Variants in USP44 observed in about 807,000 individuals in gnomAD.
The protein encoded by USP44 is ubiquitin carboxyl-terminal hydrolase 44.
Under a neutral mutation model 69.0 loss-of-function variants are expected in USP44, and 61 were observed. The observed-to-expected ratio is 0.88, with a 90% CI of 0.72 to 1.09. USP44 has a LOEUF of 1.09. Ranked by LOEUF, USP44 falls within the 50% of genes least tolerant of loss-of-function variation. USP44 has a pLI of 0.00. For synonymous variants in USP44, 297 were observed against 295.4 expected (o/e 1.01, Z -0.06); for missense variants, 753 against 849.9 (o/e 0.89, Z 1.42).
In USP44 at chr12:95,534,165, T is replaced by A. The variant is rs992449182; in HGVS notation, c.92A>T (p.Asp31Val). 6.2e-7 allele frequency: 1 copy of A among 1,614,052 alleles called. No homozygotes were observed. The highest frequency in any genetic ancestry group is 1.3e-5 in the African/African-American group (1 of 74,912). Residue 31 changes from aspartate (D) to valine (V), a missense_variant, in exon 2 of 6, where the codon GAC becomes GTC. Transcript: ENST00000258499. The stretch of plus-strand genomic sequence containing the variant: ...CCAAATGGACTCGGTCGTGTTGCAG[T>A]CCACACAGTGCCATTTCTGAGGGTT... ...SLNPQKWHCV[D>V]CNTTESIWAC...
chr12:95,544,033 G>A (rs569761598), intron 1 of USP44, among the ~76,000 whole-genome samples: 250 of 137,084 alleles, frequency 1.8e-3, no homozygotes, highest in Non-Finnish European at 2.9e-3. Context: ...ACATTCCACT[G>A]TAAATTTTAG....
At position 95,517,213 on chromosome 12, in the gene USP44, A is replaced by C. The variant is rs575808033; in HGVS notation, c.*941T>G. 1.2e-4 allele frequency: 19 copies of C among 152,148 alleles called. No homozygotes were observed. The highest frequency in any genetic ancestry group is 4.3e-4 in the African/African-American group (18 of 41,518). The allele number at this position is 152,148 out of a possible 1,614,324, so 9.4% of individuals were successfully genotyped here. On this transcript the variant is annotated 3_prime_UTR_variant, in exon 6 of 6. Transcript: ENST00000258499. The stretch of plus-strand genomic sequence containing the variant: ...AGTTATTTAGAATGAGATGCTAGAC[A>C]TAATAATAGTCCAGTTGCCAATTTT...
At chr12:95,521,266 A>G in intron 4 of USP44, 64 bp from the exon 5 acceptor site, 3 of 1,469,258 alleles carry the variant, frequency 2.0e-6, no homozygotes, top group South Asian at 2.3e-5. Context: ...TACTAGGTCT[A>G]GACACTTGTA....
At chr12:95,521,999 T>A in intron 4 of USP44, 1 of 977,388 alleles carries the variant, frequency 1.0e-6, no homozygotes, top group Non-Finnish European at 1.2e-6. Flanking sequence ...CGCCCATTGG[T>A]GACAGAACTG....
At chr12:95,535,297 G>A (rs994814783) in intron 1 of USP44, 3 of 152,088 alleles carry the variant, frequency 2.0e-5, no homozygotes, top group Non-Finnish European at 2.9e-5. Flanking sequence ...TATAGTGAAC[G>A]AATCTTATTA....
chr12:95,532,842 T>G lies in USP44; in HGVS notation c.1415A>C (p.Gln472Pro). Residue 472 changes from glutamine (Q) to proline (P), a missense_variant, in exon 2 of 6, where the codon CAA (glutamine) becomes CCA (proline). Gln to Pro is a moderately conservative substitution (Grantham distance 76). Coordinates refer to ENST00000258499, the MANE Select transcript of USP44 (RefSeq NM_032147.5). ...AAAAATCCATACCTGACTAAGAAGT[T>G]GTCCATGAAAAATGTTATTTACAAC... is the stretch of plus-strand genomic sequence containing the variant. ...LNVVNNIFHG[Q>P]LLSQVTCLAC... 1 of 1,583,280 alleles carries G rather than the reference T, an allele frequency of 6.3e-7. No individual in the cohort carries two copies.
chr12:95,539,147 C>T (rs1009344275), intron 1 of USP44, among the ~76,000 whole-genome samples: 22 of 152,152 alleles, frequency 1.4e-4, no homozygotes, highest in African/African-American at 4.8e-4. Flanking sequence ...ATGTTTCACA[C>T]TCCAAATTCA....
At chr12:95,543,886 G>A (rs2077476893) in intron 1 of USP44, among the ~76,000 whole-genome samples, 1 of 131,610 alleles carries the variant, frequency 7.6e-6, no homozygotes, top group Non-Finnish European at 1.6e-5. Flanking sequence ...AGAATGGCGT[G>A]AAACCAGGAG....
At chr12:95,518,420 G>T (rs1177952473) in intron 5 of USP44, 67 bp from the exon 6 acceptor site, 2 of 1,485,748 alleles carry the variant, frequency 1.3e-6, no homozygotes, top group African/African-American at 1.4e-5. Context: ...AAGGCATTGA[G>T]TGAGAAGCTT....
chr12:95,528,118 C>T (rs538169663), intron 3 of USP44, among the ~76,000 whole-genome samples: 1 of 152,310 alleles, frequency 6.6e-6, no homozygotes, highest in East Asian at 1.9e-4. Context: ...GGATTACAGG[C>T]GTGAGCCACT....
intron 1 of USP44, among the ~76,000 whole-genome samples, chr12:95,549,575 C>T (rs1334045417): frequency 6.6e-6 from 1 of 152,186 alleles, no homozygotes; most frequent in African/African-American, 2.4e-5. Flanking sequence ...AATGACAAAG[C>T]AGTTCTACTT....
Position 95,518,262 on chromosome 12 carries a change from T to C in USP44, c.2031A>G (p.Gln677=), listed in dbSNP as rs1315077491. 4 of 1,614,164 alleles carry C rather than the reference T, an allele frequency of 2.5e-6. No homozygotes were observed. In the Admixed American group the frequency reaches 5.0e-5, roughly 20 times the overall value. Residue 677 remains glutamine (Q), a synonymous_variant, in exon 6 of 6, where the codon CAA becomes CAG. Transcript: ENST00000258499. Reference sequence around the variant, plus strand: ...TAGAATGTCCATTCTCAGTAACTCGTTGGGTATAAAACAAGATATAAGCTT... The same window carrying C: ...TAGAATGTCCATTCTCAGTAACTCGCTGGGTATAAAACAAGATATAAGCTT... ...KAQAYILFYT[Q]RVTENGHSKL...
intron 1 of USP44, among the ~76,000 whole-genome samples, chr12:95,543,406 C>CAAAAAAAAAAAAA (rs60127958): frequency 4.4e-4 from 19 of 43,088 alleles, no homozygotes; most frequent in East Asian, 6.6e-4. Flanking sequence ...GACTCTTTCT[C>CAAAAAAAAAAAAA]AAAAAAAAAA....
chr12:95,533,954 T>C lies in USP44; in HGVS notation c.303A>G (p.Thr101=), dbSNP rs537991811. 12 of 1,614,198 alleles carry C rather than the reference T, an allele frequency of 7.4e-6. No individual in the cohort carries two copies. The Admixed American group carries it at 1.2e-4, about 16-fold the overall frequency. The part of the protein sequence containing the change: ...TTGDLKLLRR[T]LSAIKSQNYH... ...AATTTTGACTTTTGATGGCACTTAA[T>C]GTACGTCGTAGTAACTTCAGGTCTC... Residue 101 remains threonine, a synonymous_variant, in exon 2 of 6, where the codon ACA becomes ACG. Coordinates refer to ENST00000258499, the MANE Select transcript of USP44 (RefSeq NM_032147.5).
At chr12:95,539,485 C>T (rs1302917414) in intron 1 of USP44, among the ~76,000 whole-genome samples, 1 of 152,130 alleles carries the variant, frequency 6.6e-6, no homozygotes, top group Non-Finnish European at 1.5e-5. Flanking sequence ...CTCGGCCTCC[C>T]AAAGTGCTGG....
intron 5 of USP44, 147 bp downstream of exon 5, chr12:95,520,850 T>C: frequency 1.5e-6 from 1 of 686,240 alleles, no homozygotes; most frequent in Non-Finnish European, 2.4e-6. Context: ...ACTCTCATTT[T>C]TTAGTACCTG....
At chr12:95,520,932 C>T (rs1316544612) in intron 5 of USP44, 65 bp downstream of exon 5, 15 of 1,454,476 alleles carry the variant, frequency 1.0e-5, no homozygotes, top group Admixed American at 6.9e-5. Flanking sequence ...ATTTAGAAAT[C>T]GGTTAAAGCC....
chr12:95,546,468 T>G (rs2077574162), intron 1 of USP44: 1 of 152,264 alleles, frequency 6.6e-6, no homozygotes, highest in African/African-American at 2.4e-5. Context: ...TGTAGAATCC[T>G]CCTGTATTTC....
chr12:95,526,763 G>A (rs1398676227), intron 3 of USP44, among the ~76,000 whole-genome samples: 1 of 151,986 alleles, frequency 6.6e-6, no homozygotes, highest in South Asian at 2.1e-4. Flanking sequence ...ATCTATTTGC[G>A]AGATAGGGAA....
Sources: gnomAD v4.1 joint callset for allele counts (sites outside exome capture counted in the v4.1 genomes callset) on GRCh38, gnomAD v4.1.1 for gene constraint, MANE v1.5 for transcripts, NCBI Gene and HGNC (gene_info 2026-07-23, HGNC 2026-07-21) for gene names.